CMIP: variants seen among roughly 807,000 people sequenced by gnomAD.
The protein encoded by CMIP is c-Maf inducing protein.
In CMIP, 13 loss-of-function variants were observed where a neutral mutation model predicts 97.3. The observed-to-expected ratio is 0.13, with a 90% CI of 0.09 to 0.21. The LOEUF is 0.21. CMIP is among the 10% of genes least tolerant of loss of function. The probability of loss-of-function intolerance (pLI) is 1.00; values close to 1 mark genes in which losing one functional copy is unlikely to be tolerated. For synonymous variants in CMIP, 538 were observed against 436.3 expected (o/e 1.23, Z -2.91); for missense variants, 847 against 1,024.9 (o/e 0.83, Z 2.37).
intron 3 of CMIP, among the ~76,000 whole-genome samples, chr16:81,626,981 A>G (rs923299429): frequency 2.1e-5 from 3 of 139,562 alleles, no homozygotes; most frequent in Admixed American, 7.3e-5. Flanking sequence ...TGGGGCGACT[A>G]TTTTATGAAT....
Position 81,453,555 on chromosome 16 carries a change from C to A in CMIP, c.300+8014C>A, listed in dbSNP as rs1264440641. ...CTGGCTCTCCTCCCTCGCATGTTGGCTCCCTGTGTGGACTAGGTGACCCTG... is the reference window on the plus strand; with the variant it reads ...CTGGCTCTCCTCCCTCGCATGTTGGATCCCTGTGTGGACTAGGTGACCCTG... On this transcript the variant is annotated intron_variant, in intron 1 of 20. Transcript: ENST00000537098. This position sits in a 1 kb window ranked among gnomAD's most constrained non-coding sequence, Gnocchi z 4.0. Among the ~76,000 whole-genome samples, 1 of 152,220 alleles carries A rather than the reference C, an allele frequency of 6.6e-6. No homozygotes were observed. The highest frequency in any genetic ancestry group is 1.5e-5 in the Non-Finnish European group (1 of 68,032).
chr16:81,645,436 C>G, intron 3 of CMIP: 1 of 1,508,756 alleles, frequency 6.6e-7, no homozygotes, highest in South Asian at 1.2e-5. Context: ...CGACGTGCTT[C>G]CAGTGCATTC....
At chr16:81,694,934 TCTTAAA>T (rs1338094574) in intron 13 of CMIP, among the ~76,000 whole-genome samples, 2 of 152,248 alleles carry the variant, frequency 1.3e-5, no homozygotes, top group African/African-American at 2.4e-5. Context: ...TCTCCATTTT[TCTTAAA>T]CTTAAGTCTT....
At chr16:81,477,514 C>T (rs903400913) in intron 1 of CMIP, among the ~76,000 whole-genome samples, 1 of 152,208 alleles carries the variant, frequency 6.6e-6, no homozygotes, top group Non-Finnish European at 1.5e-5. Flanking sequence ...ATCCAGGTCC[C>T]CTCCTTTCCC....
rs367953221 is a variant in CMIP, at chr16:81,614,781, G to T, written c.427-6095G>T. 1.3e-5 allele frequency among the ~76,000 whole-genome samples: 2 copies of T among 151,538 alleles called. No individual in the cohort carries two copies. The highest frequency in any genetic ancestry group is 2.9e-5 in the Non-Finnish European group (2 of 67,840). On this transcript the variant is annotated intron_variant, in intron 2 of 20. Transcript: ENST00000537098. This position sits in a 1 kb window ranked among gnomAD's most constrained non-coding sequence, Gnocchi z 5.3. ...TATGTCTGTGGTGTGTGTGGTATGTGTGCATGTGTGTGCCTGATATGTGTG... is the reference window on the plus strand; with the variant it reads ...TATGTCTGTGGTGTGTGTGGTATGTTTGCATGTGTGTGCCTGATATGTGTG...
At chr16:81,513,295 C>T (rs1004246077) in intron 1 of CMIP, among the ~76,000 whole-genome samples, 1 of 152,230 alleles carries the variant, frequency 6.6e-6, no homozygotes, top group Non-Finnish European at 1.5e-5. Context: ...TCAGAGGAGC[C>T]GCCTTTCTCT....
chr16:81,528,643 A>G (rs1451520060), intron 1 of CMIP, among the ~76,000 whole-genome samples: 3 of 152,278 alleles, frequency 2.0e-5, no homozygotes, highest in African/African-American at 4.8e-5. Context: ...GGTCACAGCT[A>G]CCTGCTTGCT....
intron 1 of CMIP, among the ~76,000 whole-genome samples, chr16:81,594,067 C>T (rs1207535710): frequency 1.1e-5 from 1 of 94,956 alleles, no homozygotes; most frequent in Non-Finnish European, 2.2e-5. Flanking sequence ...TCTTCCCCCT[C>T]CCCCTCTTCC....
intron 1 of CMIP, among the ~76,000 whole-genome samples, chr16:81,451,056 T>A (rs994409364): frequency 1.3e-5 from 2 of 152,218 alleles, no homozygotes; most frequent in African/African-American, 4.8e-5. Context: ...CACAGTAATG[T>A]AGGTAGACCC....
chr16:81,589,858 T>C (rs2091440580), intron 1 of CMIP, among the ~76,000 whole-genome samples: 1 of 152,124 alleles, frequency 6.6e-6, no homozygotes, highest in African/African-American at 2.4e-5. Flanking sequence ...ATCTGTTTAG[T>C]GAAAAATATA....
At chr16:81,653,221 G>C (rs1407822454) in intron 4 of CMIP, among the ~76,000 whole-genome samples, 1 of 152,130 alleles carries the variant, frequency 6.6e-6, no homozygotes, top group East Asian at 1.9e-4. Context: ...TGATGCTTCT[G>C]TCCCCCTCCC....
intron 1 of CMIP, among the ~76,000 whole-genome samples, chr16:81,463,321 C>G (rs922774511): frequency 6.6e-6 from 1 of 152,184 alleles, no homozygotes; most frequent in Non-Finnish European, 1.5e-5. Context: ...TAGAGAGGGA[C>G]AGAGTTCCTT....
At chr16:81,572,195 T>G (rs2091104468) in intron 1 of CMIP, among the ~76,000 whole-genome samples, 1 of 152,368 alleles carries the variant, frequency 6.6e-6, no homozygotes. Flanking sequence ...CTTTCTTGGA[T>G]CTCAAGAGTG....
intron 1 of CMIP, among the ~76,000 whole-genome samples, chr16:81,560,364 T>G (rs1004309683): frequency 1.1e-4 from 16 of 151,246 alleles, no homozygotes; most frequent in Non-Finnish European, 1.6e-4. Context: ...GACTACAGGC[T>G]CCCGCCACTA....
In CMIP at chr16:81,526,891, G is replaced by T. The variant is rs576137248; in HGVS notation, c.301-80676G>T. 5.9e-5 allele frequency among the ~76,000 whole-genome samples: 9 copies of T among 152,360 alleles called. 1 individual carries two copies. Among genetic ancestry groups the T allele is most frequent in the African/African-American group, 1.7e-4 (7 of 41,590 alleles). The stretch of plus-strand genomic sequence containing the variant: ...CTCTACCCACTCCAATATAAGAAGA[G>T]AAATTTTGCTTTATAATGAGCAGGA... On this transcript the variant is annotated intron_variant, in intron 1 of 20. Transcript: ENST00000537098.
chr16:81,633,857 C>T (rs776349665), intron 3 of CMIP, among the ~76,000 whole-genome samples: 1 of 152,212 alleles, frequency 6.6e-6, no homozygotes, highest in Non-Finnish European at 1.5e-5. Flanking sequence ...AGGTCGGGGC[C>T]AGCCTGACAC....
In CMIP at chr16:81,445,511, G is replaced by A. The variant is rs1392778468; in HGVS notation, c.270G>A (p.Thr90=). Residue 90 remains threonine (T), a synonymous_variant, in exon 1 of 21, where the codon ACG becomes ACA. Coordinates refer to ENST00000537098, the MANE Select transcript of CMIP (RefSeq NM_198390.3). ...GGCGCTGGGAGCCGCACCACCTAAC[G>A]CTGGCCGACAACAGCCTGGCGTCCG... ...FLRRWEPHHL[T]LADNSLASAT... 1.9e-6 allele frequency: 3 copies of A among 1,551,478 alleles called. No individual in the cohort carries two copies. Among genetic ancestry groups the A allele is most frequent in the Non-Finnish European group, 2.6e-6 (3 of 1,147,588 alleles).
chr16:81,532,718 G>C (rs913937720), intron 1 of CMIP, among the ~76,000 whole-genome samples: 1 of 152,240 alleles, frequency 6.6e-6, no homozygotes, highest in African/African-American at 2.4e-5. Context: ...TGTGACATCA[G>C]AGTGTTGGGA....
At position 81,616,009 on chromosome 16, in the gene CMIP, G is replaced by T. The variant is rs981920122; in HGVS notation, c.427-4867G>T. Among the ~76,000 whole-genome samples, 1 of 152,034 alleles carries T rather than the reference G, an allele frequency of 6.6e-6. No individual in the cohort carries two copies. Among genetic ancestry groups the T allele is most frequent in the Admixed American group, 6.5e-5 (1 of 15,270 alleles). On this transcript the variant is annotated intron_variant, in intron 2 of 20. Transcript: ENST00000537098. This position sits in a 1 kb window ranked among gnomAD's most constrained non-coding sequence, Gnocchi z 4.7. Reference sequence around the variant, plus strand: ...CAGCTTTCCTTCTCGTCGCACTGGGGCAGAAGGAGCCGGGCGCGGTGGGTG... The same window carrying T: ...CAGCTTTCCTTCTCGTCGCACTGGGTCAGAAGGAGCCGGGCGCGGTGGGTG...
Sources: allele counts gnomAD v4.1 joint callset (sites outside exome capture counted in the v4.1 genomes callset), GRCh38; gene constraint gnomAD v4.1.1; non-coding constraint Gnocchi (gnomAD v3.1); transcripts MANE v1.5; gene names NCBI Gene and HGNC (gene_info 2026-07-23, HGNC 2026-07-21).